LIMCH1: variants seen among roughly 807,000 people sequenced by gnomAD.
LIMCH1 encodes the protein LIM and calponin homology domains-containing protein 1.
In LIMCH1, 113 loss-of-function variants were observed where a neutral mutation model predicts 176.5. The ratio of observed to expected loss-of-function variants is 0.64; its 90% CI spans 0.55 to 0.75. LIMCH1 has a LOEUF of 0.75. Ranked by LOEUF, LIMCH1 falls within the 30% of genes least tolerant of loss-of-function variation. The probability of loss-of-function intolerance (pLI) is 0.00; values close to 1 mark genes in which losing one functional copy is unlikely to be tolerated. For synonymous variants in LIMCH1, 619 were observed against 645.9 expected, an observed-to-expected ratio of 0.96 and a Z score of 0.63; for missense variants, 1,674 against 1,814.9, an observed-to-expected ratio of 0.92 and a Z score of 1.41.
chr4:41,616,168 T>A (rs183938978), intron 5 of LIMCH1, among the ~76,000 whole-genome samples: 1 of 152,160 alleles, frequency 6.6e-6, no homozygotes, highest in African/African-American at 2.4e-5. Flanking sequence ...ATCAAAGATG[T>A]GCTGAGGGAG....
chr4:41,588,345 G>A (rs2086856970), intron 1 of LIMCH1, among the ~76,000 whole-genome samples: 1 of 152,182 alleles, frequency 6.6e-6, no homozygotes, highest in Non-Finnish European at 1.5e-5. Context: ...GCATGGCAGA[G>A]AGGTGGAAGG....
chr4:41,550,764 A>G (rs775914555), intron 1 of LIMCH1, among the ~76,000 whole-genome samples: 24 of 152,180 alleles, frequency 1.6e-4, no homozygotes, highest in Non-Finnish European at 3.4e-4. Flanking sequence ...TTAATGAATT[A>G]ATTGGTACTC....
intron 1 of LIMCH1, among the ~76,000 whole-genome samples, chr4:41,576,755 T>A (rs535087150): frequency 2.7e-4 from 41 of 152,286 alleles, no homozygotes; most frequent in Middle Eastern, 6.8e-3. Flanking sequence ...TACTATGGAA[T>A]GCCATATAAT....
chr4:41,676,341 A>C (rs370548787), intron 22 of LIMCH1, 41 bp from the exon 23 acceptor site: 1 of 1,536,808 alleles, frequency 6.5e-7, no homozygotes, highest in African/African-American at 1.4e-5. Flanking sequence ...TCCCTTGAGG[A>C]CATGGCTCAA....
chr4:41,451,607 A>G (rs949460098), intron 1 of LIMCH1, among the ~76,000 whole-genome samples: 1 of 152,086 alleles, frequency 6.6e-6, no homozygotes. Context: ...GGATTGGCCT[A>G]TTGTGCAAAC....
chr4:41,391,496 TA>T (rs1258750920), intron 1 of LIMCH1, among the ~76,000 whole-genome samples: 7 of 152,130 alleles, frequency 4.6e-5, no homozygotes, highest in African/African-American at 1.7e-4. Context: ...ACAGACAGAC[TA>T]GGGGAAGGGA....
chr4:41,609,665 A>G (rs774128591), intron 4 of LIMCH1: 7 of 455,832 alleles, frequency 1.5e-5, no homozygotes, highest in South Asian at 4.6e-5. Context: ...GATGAGTAAA[A>G]TAATCCCAAA....
chr4:41,487,507 G>T (rs552405904), intron 1 of LIMCH1, among the ~76,000 whole-genome samples: 3 of 152,150 alleles, frequency 2.0e-5, no homozygotes, highest in African/African-American at 7.2e-5. Flanking sequence ...ACATCTTGGG[G>T]GACTTTTGAT....
chr4:41,689,756 G>C (rs1723911254), intron 30 of LIMCH1, 121 bp downstream of exon 30: 1 of 623,188 alleles, frequency 1.6e-6, no homozygotes, highest in Admixed American at 2.5e-5. Flanking sequence ...TCACTGTCTA[G>C]GTTGTATAGA....
rs1043576926 is a variant in LIMCH1 at position 41,692,335 on chromosome 4, G to C, written c.4329G>C (p.Arg1443Ser). Reference sequence around the variant, plus strand: ...ATGCAGTGAGTGGGACGGATGTTAGGATTCGAAATGGTCTCCTGAACTGTA... The same window carrying C: ...ATGCAGTGAGTGGGACGGATGTTAGCATTCGAAATGGTCTCCTGAACTGTA... ...LGDAVSGTDV[R>S]IRNGLLNCND... is the part of the protein sequence containing the mutation. The change falls in exon 31 of 32, where the codon AGG becomes AGC. Residue 1443 changes from arginine to serine, a missense_variant. Coordinates refer to ENST00000503057, the MANE Select transcript of LIMCH1 (RefSeq NM_001330672.2). 2.5e-6 allele frequency: 4 copies of C among 1,613,540 alleles called. No homozygotes were observed. The highest frequency in any genetic ancestry group is 3.4e-6 in the Non-Finnish European group (4 of 1,179,660).
At chr4:41,442,219 G>C (rs976370868) in intron 1 of LIMCH1, among the ~76,000 whole-genome samples, 1 of 152,106 alleles carries the variant, frequency 6.6e-6, no homozygotes, top group Non-Finnish European at 1.5e-5. Flanking sequence ...AGGATCACTT[G>C]AGCCTGGGAG....
intron 1 of LIMCH1, among the ~76,000 whole-genome samples, chr4:41,573,676 T>C (rs1158195805): frequency 6.6e-6 from 1 of 152,214 alleles, no homozygotes; most frequent in Non-Finnish European, 1.5e-5. Context: ...AATCAACTTG[T>C]GATGAGCAAT....
chr4:41,530,373 CT>C (rs1472529055), intron 3 of LIMCH1, among the ~76,000 whole-genome samples: 3 of 152,156 alleles, frequency 2.0e-5, no homozygotes, highest in Non-Finnish European at 4.4e-5. Context: ...AGAATTAGCT[CT>C]GGTGTGCCTC....
At position 41,687,871 on chromosome 4, in the gene LIMCH1, C is replaced by T; in HGVS notation, c.4120C>T (p.Pro1374Ser). Residue 1374 changes from proline (P) to serine (S), a missense_variant, in exon 29 of 32, where the codon CCT becomes TCT. Around this residue, in one of 3 missense-constraint regions of LIMCH1, gnomAD observed 1,015 missense variants for 1,102.5 expected, o/e 0.92. Transcript: ENST00000503057. ...KSPREHFQAGPFSPCSPTPPG... is the reference protein window; with the variant it reads ...KSPREHFQAGSFSPCSPTPPG... ...TCCCCGAGAGCACTTCCAGGCTGGG[C>T]CTTTCTCTCCCTGTTCTCCCACCCC... 1 of 1,613,476 alleles carries T rather than the reference C, an allele frequency of 6.2e-7. No individual in the cohort carries two copies. Among genetic ancestry groups the T allele is most frequent in the Non-Finnish European group, 8.5e-7 (1 of 1,179,658 alleles).
chr4:41,556,259 G>A (rs1353285070), intron 1 of LIMCH1, among the ~76,000 whole-genome samples: 7 of 151,984 alleles, frequency 4.6e-5, no homozygotes, highest in Admixed American at 3.9e-4. Flanking sequence ...GCTGGGCATG[G>A]TGGTGCACAT....
At chr4:41,681,137 C>T (rs936735876) in intron 25 of LIMCH1, 78 bp downstream of exon 25, 20 of 798,876 alleles carry the variant, frequency 2.5e-5, no homozygotes, top group Admixed American at 4.0e-5. Context: ...CCAAGGTTAC[C>T]GAACAGACTC....
At chr4:41,527,841 A>C (rs1329091661) in intron 3 of LIMCH1, among the ~76,000 whole-genome samples, 5 of 151,020 alleles carry the variant, frequency 3.3e-5, no homozygotes, top group South Asian at 2.1e-4. Flanking sequence ...AAAAAAAAAA[A>C]AAAAAAAACT....
At chr4:41,679,562 T>C (rs1037929322) in intron 23 of LIMCH1, among the ~76,000 whole-genome samples, 1 of 152,242 alleles carries the variant, frequency 6.6e-6, no homozygotes, top group South Asian at 2.1e-4. Flanking sequence ...TTGTCCACGG[T>C]GGACCTTTCT....
chr4:41,693,370 AT>A (rs1394807940), intron 31 of LIMCH1: 3 of 152,156 alleles, frequency 2.0e-5, no homozygotes, highest in African/African-American at 7.2e-5. Context: ...ATAGCTATAG[AT>A]TTAGTAAATT....
Sources: allele counts gnomAD v4.1 joint callset (sites outside exome capture counted in the v4.1 genomes callset), GRCh38; gene constraint gnomAD v4.1.1; regional missense constraint gnomAD v4.1.1; transcripts MANE v1.5; gene names NCBI Gene and HGNC (gene_info 2026-07-23, HGNC 2026-07-21).